Variants in KCTD16 observed in about 807,000 individuals in gnomAD.
The protein encoded by KCTD16 is BTB/POZ domain-containing protein KCTD16.
Under a neutral mutation model 33.2 loss-of-function variants are expected in KCTD16, and 13 were observed. That is an observed-to-expected ratio of 0.39 (90% CI 0.25 to 0.62). The LOEUF (loss-of-function observed/expected upper bound fraction) is 0.62, where lower values mean the gene tolerates loss of function less well. Ranked by LOEUF, KCTD16 falls within the 20% of genes least tolerant of loss-of-function variation. The pLI, the probability that KCTD16 is intolerant of heterozygous loss-of-function variation, is 0.50. For missense variants in KCTD16, 441 were observed against 525.1 expected (o/e 0.84, Z 1.57); for synonymous variants, 197 against 195.3 (o/e 1.01, Z -0.07).
chr5:144,254,254 A>C (rs1754782891), intron 3 of KCTD16, among the ~76,000 whole-genome samples: 1 of 151,918 alleles, frequency 6.6e-6, no homozygotes, highest in Non-Finnish European at 1.5e-5. Context: ...CTCCTGCCTC[A>C]GCCTCCTGAG....
At chr5:144,380,248 A>T (rs1260733245) in intron 3 of KCTD16, among the ~76,000 whole-genome samples, 1 of 152,184 alleles carries the variant, frequency 6.6e-6, no homozygotes, top group Admixed American at 6.6e-5. Flanking sequence ...CAACAGCCAC[A>T]AAAAGAATAA....
intron 3 of KCTD16, among the ~76,000 whole-genome samples, chr5:144,290,873 A>G (rs1444683115): frequency 6.6e-6 from 1 of 152,238 alleles, no homozygotes; most frequent in Non-Finnish European, 1.5e-5. Flanking sequence ...AGTTATACAG[A>G]GCTACAAATG....
At chr5:144,261,167 C>CAAAAAAAA (rs1299878040) in intron 3 of KCTD16, among the ~76,000 whole-genome samples, 5 of 78,062 alleles carry the variant, frequency 6.4e-5, no homozygotes, top group East Asian at 4.1e-4. Context: ...GGAACAACAA[C>CAAAAAAAA]AAAAAAAAAA....
chr5:144,319,004 A>G (rs1752002648), intron 3 of KCTD16, among the ~76,000 whole-genome samples: 1 of 152,188 alleles, frequency 6.6e-6, no homozygotes. Context: ...TGAGGAAATG[A>G]CTAAAATAAT....
At chr5:144,206,011 C>T (rs1264062671) in intron 2 of KCTD16, 4 of 153,600 alleles carry the variant, frequency 2.6e-5, no homozygotes, top group South Asian at 4.2e-4. Flanking sequence ...TTATTTTTTT[C>T]ACAAGAACTG....
At chr5:144,337,818 G>C (rs1752527970) in intron 3 of KCTD16, among the ~76,000 whole-genome samples, 1 of 152,144 alleles carries the variant, frequency 6.6e-6, no homozygotes, top group Non-Finnish European at 1.5e-5. Flanking sequence ...AGAAGAGTGG[G>C]TGAGAACAAG....
intron 3 of KCTD16, among the ~76,000 whole-genome samples, chr5:144,345,789 A>G (rs1752782884): frequency 6.6e-6 from 1 of 152,144 alleles, no homozygotes; most frequent in South Asian, 2.1e-4. Flanking sequence ...TGCAATGTGA[A>G]ATAGGTACAT....
intron 3 of KCTD16, among the ~76,000 whole-genome samples, chr5:144,398,606 T>C (rs1302413820): frequency 2.6e-5 from 4 of 152,098 alleles, no homozygotes; most frequent in Non-Finnish European, 1.5e-5. Flanking sequence ...TATTCACAAG[T>C]TTTGAAGCTT....
intron 3 of KCTD16, among the ~76,000 whole-genome samples, chr5:144,211,690 G>C (rs952430262): frequency 3.9e-5 from 6 of 152,042 alleles, no homozygotes; most frequent in African/African-American, 1.2e-4. Context: ...TTTGAGTAAG[G>C]GATATTCAAC....
At chr5:144,335,254 C>G (rs187672287) in intron 3 of KCTD16, among the ~76,000 whole-genome samples, 1 of 152,314 alleles carries the variant, frequency 6.6e-6, no homozygotes, top group Admixed American at 6.5e-5. Context: ...TAAGCACCTA[C>G]TGTGTACAGC....
chr5:144,458,653 ACT>A (rs1561615501), intron 3 of KCTD16, among the ~76,000 whole-genome samples: 1 of 152,146 alleles, frequency 6.6e-6, no homozygotes, highest in Non-Finnish European at 1.5e-5. Flanking sequence ...TCTATTAGAG[ACT>A]CTCAAATAAA....
At chr5:144,221,029 G>T (rs1276057097) in intron 3 of KCTD16, among the ~76,000 whole-genome samples, 1 of 152,186 alleles carries the variant, frequency 6.6e-6, no homozygotes, top group African/African-American at 2.4e-5. Flanking sequence ...ATGTGGACAG[G>T]AGTGGGCAAA....
At chr5:144,385,838 T>G (rs1444062989) in intron 3 of KCTD16, among the ~76,000 whole-genome samples, 1 of 152,086 alleles carries the variant, frequency 6.6e-6, no homozygotes, top group Non-Finnish European at 1.5e-5. Flanking sequence ...AAAAAAGAAG[T>G]GGTTCCTTAC....
intron 3 of KCTD16, among the ~76,000 whole-genome samples, chr5:144,216,315 A>C (rs370556463): frequency 6.6e-6 from 1 of 152,196 alleles, no homozygotes; most frequent in African/African-American, 2.4e-5. Flanking sequence ...AAGATTGCTA[A>C]TGGGATGGGA....
intron 3 of KCTD16, among the ~76,000 whole-genome samples, chr5:144,288,948 G>A (rs1233363876): frequency 2.0e-5 from 3 of 152,078 alleles, no homozygotes; most frequent in Non-Finnish European, 4.4e-5. Flanking sequence ...CCCGGGAGGC[G>A]GAGGTTGCAG....
At chr5:144,303,484 T>A (rs1417431574) in intron 3 of KCTD16, among the ~76,000 whole-genome samples, 1 of 152,214 alleles carries the variant, frequency 6.6e-6, no homozygotes, top group Non-Finnish European at 1.5e-5. Flanking sequence ...TTGGCTTTTG[T>A]GTGGCAAGAG....
chr5:144,203,319 T>C lies in KCTD16; in HGVS notation c.-326-3070T>C, dbSNP rs1433817066. Among the ~76,000 whole-genome samples, 3 of 152,076 alleles carry C rather than the reference T, an allele frequency of 2.0e-5. No homozygotes were observed. The East Asian group carries it at 5.8e-4, about 29-fold the overall frequency. On this transcript the variant is annotated intron_variant, in intron 2 of 3. Transcript: ENST00000512467. ...AAACATGTTTAGTAATCTTGAAATT[T>C]GTTGTTTCAAATTTCAAGAAAATGT...
At chr5:144,340,782 G>A (rs1752613983) in intron 3 of KCTD16, among the ~76,000 whole-genome samples, 1 of 152,080 alleles carries the variant, frequency 6.6e-6, no homozygotes, top group Non-Finnish European at 1.5e-5. Context: ...AGGTGCGGTG[G>A]CTCATGCCTG....
chr5:144,387,138 ATTTTT>A (rs377558036), intron 3 of KCTD16, among the ~76,000 whole-genome samples: 2 of 116,162 alleles, frequency 1.7e-5, no homozygotes, highest in Admixed American at 2.0e-4. Context: ...GGCTAATTTA[ATTTTT>A]TTTTTTTTTT....
Sources: allele counts gnomAD v4.1 joint callset (sites outside exome capture counted in the v4.1 genomes callset), GRCh38; gene constraint gnomAD v4.1.1; transcripts MANE v1.5; gene names NCBI Gene and HGNC (gene_info 2026-07-23, HGNC 2026-07-21).